Variants in QTMAN observed in about 807,000 individuals in gnomAD.
QTMAN encodes queuosine-tRNA mannosyltransferase, also known as tRNA-queuosine alpha-mannosyltransferase.
the QTMAN span, among the ~76,000 whole-genome samples, chr2:144,292,397 A>G: frequency 6.6e-6 from 1 of 152,174 alleles, no homozygotes; most frequent in Admixed American, 6.5e-5. Context: ...CTTAAGGCCC[A>G]GCTCAAGTAT....
At chr2:144,260,983 G>C in the QTMAN span, among the ~76,000 whole-genome samples, 3 of 151,988 alleles carry the variant, frequency 2.0e-5, no homozygotes, top group Non-Finnish European at 4.4e-5. Context: ...CATAGGTTTT[G>C]AGCCTTTCTA....
At chr2:144,179,130 T>C in the QTMAN span, among the ~76,000 whole-genome samples, 1 of 152,158 alleles carries the variant, frequency 6.6e-6, no homozygotes, top group Non-Finnish European at 1.5e-5. Context: ...TGAGATAAAA[T>C]AAAAACCTCC....
At chr2:144,155,081 C>T in the QTMAN span, among the ~76,000 whole-genome samples, 1 of 152,130 alleles carries the variant, frequency 6.6e-6, no homozygotes, top group Non-Finnish European at 1.5e-5. Flanking sequence ...CCCCATGCCC[C>T]ATGGATGTGA....
chr2:144,171,749 A>C, the QTMAN span, among the ~76,000 whole-genome samples: 4 of 152,192 alleles, frequency 2.6e-5, no homozygotes, highest in East Asian at 7.7e-4. Context: ...TAAAGGTAGC[A>C]CCAAACTGAT....
chr2:144,003,000 A>G, the QTMAN span, among the ~76,000 whole-genome samples: 1 of 151,992 alleles, frequency 6.6e-6, no homozygotes, highest in East Asian at 1.9e-4. Context: ...TTTAAAATGT[A>G]ATGTTGCTAT....
At chr2:144,282,971 T>A in the QTMAN span, among the ~76,000 whole-genome samples, 102 of 152,306 alleles carry the variant, frequency 6.7e-4, 1 homozygote, top group African/African-American at 2.4e-3. Context: ...GTGCTCAGAG[T>A]GGCACACCCC....
At chr2:144,057,535 G>A in the QTMAN span, among the ~76,000 whole-genome samples, 10 of 151,998 alleles carry the variant, frequency 6.6e-5, no homozygotes, top group African/African-American at 1.9e-4. Flanking sequence ...ACCTGGTCTC[G>A]GTCCCCAGAA....
the QTMAN span, among the ~76,000 whole-genome samples, chr2:144,121,970 T>C: frequency 1.1e-4 from 16 of 152,166 alleles, no homozygotes; most frequent in Non-Finnish European, 1.6e-4. Context: ...ATAACAGCAT[T>C]TGAGGAAAAA....
At chr2:144,222,816 G>C in the QTMAN span, among the ~76,000 whole-genome samples, 1 of 151,950 alleles carries the variant, frequency 6.6e-6, no homozygotes, top group Admixed American at 6.6e-5. Context: ...ACAGAAAAAA[G>C]AAAAGAAAGC....
the QTMAN span, among the ~76,000 whole-genome samples, chr2:144,332,993 G>A: frequency 1.3e-5 from 2 of 152,110 alleles, no homozygotes; most frequent in Non-Finnish European, 2.9e-5. Context: ...CGGCCTACTA[G>A]AGCCTCAGGG....
the QTMAN span, among the ~76,000 whole-genome samples, chr2:144,161,422 A>AT: frequency 6.6e-6 from 1 of 152,226 alleles, no homozygotes; most frequent in African/African-American, 2.4e-5. Context: ...AAAGAACAGC[A>AT]TAATGTCAGA....
At chr2:144,287,853 T>G in the QTMAN span, among the ~76,000 whole-genome samples, 97 of 152,316 alleles carry the variant, frequency 6.4e-4, no homozygotes, top group African/African-American at 2.2e-3. Context: ...GTATTCATTT[T>G]ATTTTTATTT....
chr2:144,175,956 T>C, the QTMAN span, among the ~76,000 whole-genome samples: 1 of 152,180 alleles, frequency 6.6e-6, no homozygotes, highest in African/African-American at 2.4e-5. Flanking sequence ...TGAGCCACCA[T>C]GCTCGGCCTA....
At chr2:143,991,687 G>A in the QTMAN span, among the ~76,000 whole-genome samples, 2 of 137,622 alleles carry the variant, frequency 1.5e-5, no homozygotes, top group Non-Finnish European at 3.1e-5. Flanking sequence ...GGAGGGAGGT[G>A]GGGGGTCAGC....
the QTMAN span, among the ~76,000 whole-genome samples, chr2:144,167,402 T>C: frequency 1.3e-5 from 2 of 152,314 alleles, no homozygotes; most frequent in Middle Eastern, 3.4e-3. Context: ...GCCATGCTAT[T>C]ACTTTTAACC....
the QTMAN span, among the ~76,000 whole-genome samples, chr2:144,306,578 G>C: frequency 2.0e-5 from 3 of 151,814 alleles, no homozygotes; most frequent in East Asian, 1.9e-4. Flanking sequence ...CTTCTCAAAG[G>C]CCTCAGTTCT....
chr2:144,145,032 T>G, the QTMAN span, among the ~76,000 whole-genome samples: 7 of 150,586 alleles, frequency 4.6e-5, no homozygotes, highest in Non-Finnish European at 8.9e-5. Flanking sequence ...CTGTGCCATT[T>G]CAGAAGACTC....
At chr2:144,279,975 G>GA in the QTMAN span, among the ~76,000 whole-genome samples, 1 of 151,964 alleles carries the variant, frequency 6.6e-6, no homozygotes, top group South Asian at 2.1e-4. Flanking sequence ...AATAAAATTT[G>GA]AAAAAATGTA....
chr2:144,301,535 GA>G, the QTMAN span, among the ~76,000 whole-genome samples: 1 of 152,016 alleles, frequency 6.6e-6, no homozygotes, highest in Non-Finnish European at 1.5e-5. Flanking sequence ...GTAGCTTCAA[GA>G]AAATTAACAA....
Sources: gnomAD v4.1 joint callset for allele counts (sites outside exome capture counted in the v4.1 genomes callset) on GRCh38, gnomAD v4.1.1 for gene constraint, MANE v1.5 for transcripts, NCBI Gene and HGNC (gene_info 2026-07-23, HGNC 2026-07-21) for gene names.